Variants in FAM178B observed in about 807,000 individuals in gnomAD.
FAM178B encodes the protein family with sequence similarity 178 member B, also known as protein FAM178B.
A neutral mutation model predicts 91.7 loss-of-function variants in FAM178B; 82 were observed. That is an observed-to-expected ratio of 0.89 (90% CI 0.75 to 1.07). The LOEUF (loss-of-function observed/expected upper bound fraction) is 1.07. Ranked by LOEUF, FAM178B falls within the 50% of genes least tolerant of loss-of-function variation. The pLI, the probability that FAM178B is intolerant of heterozygous loss-of-function variation, is 0.00. For synonymous variants in FAM178B, 368 were observed against 359.4 expected, an observed-to-expected ratio of 1.02 and a Z score of -0.27; for missense variants, 769 against 846.7, an observed-to-expected ratio of 0.91 and a Z score of 1.14.
chr2:96,909,297 A>G (rs1221878400), intron 12 of FAM178B, among the ~76,000 whole-genome samples: 1 of 152,152 alleles, frequency 6.6e-6, no homozygotes, highest in Non-Finnish European at 1.5e-5. Context: ...AGACAGCCCA[A>G]ATTCATTTAC....
chr2:96,921,520 A>G lies in FAM178B; in HGVS notation c.1422T>C (p.Leu474=), dbSNP rs2081339379. The G allele has an allele frequency of 3.2e-6, 5 of 1,551,568 alleles. No individual in the cohort carries two copies. Among genetic ancestry groups the G allele is most frequent in the Non-Finnish European group, 4.4e-6 (5 of 1,146,962 alleles). ...RLLPKVDLQQ[L]LLLLLENIRE... ...GGATGTTCTCCAGGAGCAAGAGGAG[A>G]AGCTGCTGGAGGTCAACTTTGGGCA... The change falls in exon 11 of 17, where the codon CTT becomes CTC. Residue 474 remains leucine (L), a synonymous_variant. Transcript: ENST00000490605.
At chr2:96,975,791 T>C (rs1483120759) in intron 1 of FAM178B, among the ~76,000 whole-genome samples, 3 of 152,258 alleles carry the variant, frequency 2.0e-5, no homozygotes, top group African/African-American at 4.8e-5. Context: ...TTCCCCCTTA[T>C]CGATTTCACT....
intron 8 of FAM178B, among the ~76,000 whole-genome samples, chr2:96,940,945 C>A (rs955348654): frequency 1.3e-5 from 2 of 152,214 alleles, no homozygotes; most frequent in African/African-American, 4.8e-5. Context: ...GAAAGCCCCA[C>A]CTGACCTGCC....
chr2:96,950,995 T>C (rs2081916764), intron 7 of FAM178B, among the ~76,000 whole-genome samples: 2 of 152,088 alleles, frequency 1.3e-5, no homozygotes, highest in African/African-American at 4.8e-5. Flanking sequence ...CTTTGTTGCA[T>C]AGGAAGCACT....
intron 12 of FAM178B, among the ~76,000 whole-genome samples, chr2:96,914,925 C>T (rs2081217055): frequency 6.6e-6 from 1 of 151,364 alleles, no homozygotes; most frequent in South Asian, 2.1e-4. Flanking sequence ...TTTAGAGACA[C>T]GTACTGAATA....
intron 4 of FAM178B, among the ~76,000 whole-genome samples, chr2:96,970,010 A>G (rs1400063601): frequency 6.6e-6 from 1 of 152,230 alleles, no homozygotes; most frequent in Non-Finnish European, 1.5e-5. Flanking sequence ...GCACTGAACA[A>G]AAACAACACA....
In FAM178B at chr2:96,918,208, C is replaced by T. The variant is rs117366118; in HGVS notation, c.1562+2957G>A. 2.2e-3 allele frequency among the ~76,000 whole-genome samples: 327 copies of T among 148,426 alleles called. 15 individuals are homozygous for T. In the East Asian group the frequency reaches 0.041, roughly 18 times the overall value. On this transcript the variant is annotated intron_variant, in intron 12 of 16. Transcript: ENST00000490605. ...AAAAAAGAAAAAAAATTCCAGTTCA[C>T]TGAAAGGTACCATACATAAAGATTT...
intron 14 of FAM178B, among the ~76,000 whole-genome samples, chr2:96,882,557 C>CT (rs2080412544): frequency 6.6e-6 from 1 of 152,264 alleles, no homozygotes; most frequent in South Asian, 2.1e-4. Context: ...CTGGCTGGCA[C>CT]TACAGAGGCA....
intron 1 of FAM178B, among the ~76,000 whole-genome samples, chr2:96,982,382 C>A (rs2082373488): frequency 6.6e-6 from 1 of 152,130 alleles, no homozygotes; most frequent in Non-Finnish European, 1.5e-5. Flanking sequence ...CCCACCTCAG[C>A]TTCCCGAGTA....
intron 12 of FAM178B, among the ~76,000 whole-genome samples, chr2:96,904,996 C>T (rs1337892821): frequency 6.6e-6 from 1 of 151,436 alleles, no homozygotes; most frequent in African/African-American, 2.4e-5. Context: ...CTCCTGACCT[C>T]ATGATCTACC....
intron 6 of FAM178B, among the ~76,000 whole-genome samples, chr2:96,955,541 G>A (rs571181145): frequency 3.3e-5 from 5 of 152,110 alleles, no homozygotes; most frequent in Middle Eastern, 3.4e-3. Flanking sequence ...TTAGCCGTGC[G>A]TGGTGGTGGG....
intron 3 of FAM178B, among the ~76,000 whole-genome samples, chr2:96,971,160 C>T (rs1283272862): frequency 1.3e-5 from 2 of 151,340 alleles, no homozygotes; most frequent in African/African-American, 2.5e-5. Flanking sequence ...GACATCATTC[C>T]CTATCAAAGC....
At chr2:96,981,216 T>A (rs913192529) in intron 1 of FAM178B, among the ~76,000 whole-genome samples, 1 of 152,164 alleles carries the variant, frequency 6.6e-6, no homozygotes, top group Non-Finnish European at 1.5e-5. Flanking sequence ...TCCACCCACC[T>A]CAGCCTCCCA....
At chr2:96,978,051 C>T (rs1344030360) in intron 1 of FAM178B, 8 of 383,986 alleles carry the variant, frequency 2.1e-5, no homozygotes, top group Middle Eastern at 9.0e-4. Context: ...CTCAACTATT[C>T]CTCTTCATCC....
intron 12 of FAM178B, among the ~76,000 whole-genome samples, chr2:96,908,155 C>T (rs2081090003): frequency 6.6e-6 from 1 of 152,218 alleles, no homozygotes; most frequent in Admixed American, 6.5e-5. Flanking sequence ...GTCTGCAAGC[C>T]CACAGCCACC....
At chr2:96,923,825 C>T (rs189019974) in intron 9 of FAM178B, among the ~76,000 whole-genome samples, 460 of 152,340 alleles carry the variant, frequency 3.0e-3, no homozygotes, top group Admixed American at 6.4e-3. Context: ...GCTGCGGTCA[C>T]CTGAGCCTAC....
At chr2:96,941,020 C>T (rs1403778816) in intron 8 of FAM178B, among the ~76,000 whole-genome samples, 3 of 152,082 alleles carry the variant, frequency 2.0e-5, no homozygotes, top group South Asian at 2.1e-4. Context: ...GAAGAGCAAT[C>T]GGCACTGGAG....
chr2:96,951,243 C>T (rs918029174), intron 7 of FAM178B, 136 bp downstream of exon 7: 1 of 663,252 alleles, frequency 1.5e-6, no homozygotes, highest in African/African-American at 1.8e-5. Context: ...AGCTCTCCTC[C>T]CTCCTCCCAG....
intron 8 of FAM178B, among the ~76,000 whole-genome samples, chr2:96,938,276 T>G (rs2081665916): frequency 6.6e-6 from 1 of 152,052 alleles, no homozygotes; most frequent in Non-Finnish European, 1.5e-5. Flanking sequence ...ACAGGTACTG[T>G]CCTAAGGGAA....
Sources: allele counts gnomAD v4.1 joint callset (sites outside exome capture counted in the v4.1 genomes callset), GRCh38; gene constraint gnomAD v4.1.1; transcripts MANE v1.5; gene names NCBI Gene and HGNC (gene_info 2026-07-23, HGNC 2026-07-21).